ASTN1: variants seen among roughly 807,000 people sequenced by gnomAD.
ASTN1 encodes astrotactin 1.
A neutral mutation model predicts 140.7 loss-of-function variants in ASTN1; 41 were observed. The observed-to-expected ratio is 0.29, with a 90% confidence interval of 0.23 to 0.38. The LOEUF (loss-of-function observed/expected upper bound fraction) is 0.38, where lower values mean the gene tolerates loss of function less well. Ranked by LOEUF, ASTN1 falls within the 10% of genes least tolerant of loss-of-function variation. ASTN1 has a pLI of 1.00. For synonymous variants in ASTN1, 640 were observed against 652.2 expected, an observed-to-expected ratio of 0.98 and a Z score of 0.29; for missense variants, 1,479 against 1,678.8, an observed-to-expected ratio of 0.88 and a Z score of 2.08.
chr1:177,052,590 C>A (rs2861885), intron 2 of ASTN1, among the ~76,000 whole-genome samples: 22,982 of 152,106 alleles, frequency 0.15, 2,040 homozygotes, highest in African/African-American at 0.25. Flanking sequence ...CAATACCATA[C>A]AACTATAGTC....
intron 1 of ASTN1, among the ~76,000 whole-genome samples, chr1:177,133,887 A>T (rs1682052224): frequency 6.6e-6 from 1 of 152,242 alleles, no homozygotes; most frequent in Admixed American, 6.5e-5. Flanking sequence ...ACATACATTA[A>T]TTCATTCAGA....
intron 1 of ASTN1, among the ~76,000 whole-genome samples, chr1:177,066,625 C>A (rs1678368893): frequency 6.6e-6 from 1 of 152,150 alleles, no homozygotes; most frequent in South Asian, 2.1e-4. Context: ...AGTCCCTGAA[C>A]TGAGCTGCTA....
chr1:177,114,289 G>A (rs939693607), intron 1 of ASTN1, among the ~76,000 whole-genome samples: 1 of 152,130 alleles, frequency 6.6e-6, no homozygotes, highest in African/African-American at 2.4e-5. Context: ...TATATGTAAT[G>A]TGCCTAGTTA....
In ASTN1 at chr1:176,943,831, T is replaced by C. The variant is rs1464372882; in HGVS notation, c.2377+60A>G. Reference sequence around the variant, plus strand: ...TAAGTGAGGTCAAATCTTAATTTTATGAAACTGCAGGGAGCTGCCTGTTTG... The same window carrying C: ...TAAGTGAGGTCAAATCTTAATTTTACGAAACTGCAGGGAGCTGCCTGTTTG... On this transcript the variant is annotated intron_variant, in intron 14 of 22. Transcript: ENST00000361833. 23 of 1,510,008 alleles carry C rather than the reference T, an allele frequency of 1.5e-5. 1 individual carries two copies. The East Asian group carries it at 4.5e-4, about 30-fold the overall frequency. The allele number at this position is 1,510,008 out of a possible 1,614,324, so 93.5% of individuals were successfully genotyped here. A position where few individuals can be genotyped will look rare whatever the true frequency, so the allele number is the denominator to read the frequency against.
At chr1:177,112,529 A>G (rs1206369338) in intron 1 of ASTN1, among the ~76,000 whole-genome samples, 1 of 152,190 alleles carries the variant, frequency 6.6e-6, no homozygotes, top group Non-Finnish European at 1.5e-5. Context: ...GATATGGGTA[A>G]TGAGGTCTGA....
chr1:177,107,034 C>T (rs1398767075), intron 1 of ASTN1, among the ~76,000 whole-genome samples: 3 of 151,972 alleles, frequency 2.0e-5, no homozygotes. Context: ...CCTCACCTAG[C>T]TAATTTGGGG....
chr1:177,144,035 T>A (rs1682591640), intron 1 of ASTN1, among the ~76,000 whole-genome samples: 1 of 152,172 alleles, frequency 6.6e-6, no homozygotes, highest in South Asian at 2.1e-4. Flanking sequence ...ACAAATGTCT[T>A]TTCTTTGCCT....
chr1:176,910,000 C>A (rs543505881), intron 16 of ASTN1, among the ~76,000 whole-genome samples: 2 of 152,286 alleles, frequency 1.3e-5, no homozygotes, highest in East Asian at 3.9e-4. Flanking sequence ...ACAAACCACA[C>A]AATGGAATGC....
chr1:177,063,351 C>T (rs1446563383), intron 1 of ASTN1, among the ~76,000 whole-genome samples: 3 of 152,116 alleles, frequency 2.0e-5, no homozygotes, highest in Non-Finnish European at 4.4e-5. Flanking sequence ...TCAGTCATCC[C>T]ATTGGGTTGC....
At chr1:176,977,206 C>T (rs1487783465) in intron 8 of ASTN1, among the ~76,000 whole-genome samples, 1 of 152,184 alleles carries the variant, frequency 6.6e-6, no homozygotes. Context: ...AGCTTTTATC[C>T]TTTTCCCAAA....
chr1:177,143,879 A>C (rs1682584588), intron 1 of ASTN1, among the ~76,000 whole-genome samples: 1 of 152,132 alleles, frequency 6.6e-6, no homozygotes, highest in South Asian at 2.1e-4. Context: ...CAATTGGCAA[A>C]ATGACAATTA....
chr1:176,925,009 T>C (rs1670894923), intron 16 of ASTN1, among the ~76,000 whole-genome samples: 1 of 152,210 alleles, frequency 6.6e-6, no homozygotes, highest in Non-Finnish European at 1.5e-5. Flanking sequence ...AATAAAAAAG[T>C]CAGCTTATTG....
intron 8 of ASTN1, among the ~76,000 whole-genome samples, chr1:177,006,878 G>A (rs374987375): frequency 3.9e-5 from 6 of 152,122 alleles, no homozygotes; most frequent in African/African-American, 1.2e-4. Flanking sequence ...TTGGGAAAGC[G>A]GGATGCAGAG....
chr1:176,988,374 G>A (rs1238789875), intron 8 of ASTN1, among the ~76,000 whole-genome samples: 2 of 151,200 alleles, frequency 1.3e-5, no homozygotes, highest in African/African-American at 2.4e-5. Context: ...CTTTGTCCAG[G>A]ACAGTTTTAT....
At position 177,127,446 on chromosome 1, in the gene ASTN1, C is replaced by T. The variant is rs372172551; in HGVS notation, c.283+36948G>A. On this transcript the variant is annotated intron_variant, in intron 1 of 22. Transcript: ENST00000361833. Reference sequence around the variant, plus strand: ...CATGTCACAATACTTTCCACTATTCCACCCATGCCCATGCCTTCTCCATAA... The same window carrying T: ...CATGTCACAATACTTTCCACTATTCTACCCATGCCCATGCCTTCTCCATAA... 6.6e-5 allele frequency among the ~76,000 whole-genome samples: 10 copies of T among 152,298 alleles called. No individual in the cohort carries two copies. In the East Asian group the frequency reaches 1.7e-3, roughly 26 times the overall value.
At chr1:176,902,400 C>T (rs928234471) in intron 16 of ASTN1, among the ~76,000 whole-genome samples, 10 of 152,034 alleles carry the variant, frequency 6.6e-5, no homozygotes, top group Admixed American at 5.9e-4. Context: ...ATCTATACCC[C>T]GAACAGCTTT....
Position 177,164,510 on chromosome 1 carries a change from A to C in ASTN1, c.167T>G (p.Met56Arg). 8 of 1,613,548 alleles carry C rather than the reference A, an allele frequency of 5.0e-6. No individual in the cohort carries two copies. Among genetic ancestry groups the C allele is most frequent in the Non-Finnish European group, 6.8e-6 (8 of 1,179,898 alleles). The change falls in exon 1 of 23, where the codon ATG (methionine) becomes AGG (arginine). Residue 56 changes from methionine (M) to arginine (R), a missense_variant. By Grantham distance (91) the Met-to-Arg change is moderately conservative. This residue lies in a region of ASTN1 where 729 missense variants were observed against 860.4 expected (regional missense o/e 0.85). Coordinates refer to ENST00000361833, the MANE Select transcript of ASTN1 (RefSeq NM_004319.3). ...PFLRENDLSI[M>R]HSPSASEPKL... The stretch of plus-strand genomic sequence containing the variant: ...GGGCTCCGAGGCCGAGGGGCTGTGC[A>C]TGATGCTCAGGTCGTTCTCGCGCAG...
At chr1:177,089,704 C>T (rs1035824801) in intron 1 of ASTN1, among the ~76,000 whole-genome samples, 6 of 152,136 alleles carry the variant, frequency 3.9e-5, no homozygotes, top group African/African-American at 9.7e-5. Context: ...CTGCCCACCA[C>T]CTGCACGTCA....
At chr1:177,102,314 T>C (rs891397029) in intron 1 of ASTN1, among the ~76,000 whole-genome samples, 3 of 152,306 alleles carry the variant, frequency 2.0e-5, no homozygotes, top group Middle Eastern at 3.4e-3. Context: ...TATTGGTCTA[T>C]TTATACAGAG....
Sources: gnomAD v4.1 joint callset for allele counts (sites outside exome capture counted in the v4.1 genomes callset) on GRCh38, gnomAD v4.1.1 for gene constraint, gnomAD v4.1.1 regional missense constraint, MANE v1.5 for transcripts, NCBI Gene and HGNC (gene_info 2026-07-23, HGNC 2026-07-21) for gene names.